GNL3L: variants seen among roughly 807,000 people sequenced by gnomAD.
The protein encoded by GNL3L is G protein nucleolar 3 like, also known as guanine nucleotide-binding protein-like 3-like protein.
In GNL3L, 4 loss-of-function variants were observed where a neutral mutation model predicts 42.9. The observed-to-expected ratio is 0.09, with a 90% confidence interval of 0.05 to 0.21. GNL3L has a LOEUF of 0.21. GNL3L is among the 10% of genes least tolerant of loss of function. The pLI is 1.00. For missense variants in GNL3L, 412 were observed against 481.7 expected (o/e 0.86, Z 1.36); for synonymous variants, 159 against 176.3 (o/e 0.90, Z 0.78).
At chrX:54,583,485 C>A (rs953959142) in intron 16 of GNL3L, among the ~76,000 whole-genome samples, 1 of 111,262 alleles carries the variant, frequency 9.0e-6, no homozygotes, top group African/African-American at 3.3e-5. Context: ...AGAGCCACTG[C>A]ACCCGGCCAT....
chrX:54,581,528 C>T (rs1290651446), intron 16 of GNL3L, among the ~76,000 whole-genome samples: 1 of 112,703 alleles, frequency 8.9e-6, no homozygotes, highest in Admixed American at 9.4e-5. Flanking sequence ...AGCCACTGTG[C>T]CCCATCAATG....
intron 16 of GNL3L, among the ~76,000 whole-genome samples, chrX:54,615,035 C>G (rs1012814529): frequency 8.9e-6 from 1 of 111,818 alleles, no homozygotes; most frequent in Admixed American, 9.5e-5. Flanking sequence ...CTCATCACCC[C>G]AAAAGAAAAC....
intron 8 of GNL3L, among the ~76,000 whole-genome samples, chrX:54,544,561 C>T (rs762853329): frequency 9.4e-6 from 1 of 106,587 alleles, no homozygotes; most frequent in Admixed American, 1.0e-4. Context: ...CCTCCACCTC[C>T]TGGGTTCAAA....
chrX:54,599,546 G>A (rs1925978546), intron 16 of GNL3L, among the ~76,000 whole-genome samples: 1 of 111,485 alleles, frequency 9.0e-6, no homozygotes, highest in African/African-American at 3.3e-5. Flanking sequence ...ACCATGGTAA[G>A]TTTGGGGTTC....
rs1433123679 is a variant in GNL3L at position 54,565,537 on chromosome X, G to A, written c.*4935G>A. ...TTAAATAGAGATGGGGTCTCACTGT[G>A]TTGACCAGGATGGTCTTGAACTGCT... On this transcript the variant is annotated 3_prime_UTR_variant, in exon 16 of 16. Coordinates refer to ENST00000360845, the MANE Select transcript of GNL3L (RefSeq NM_001184819.2). Among the ~76,000 whole-genome samples the A allele has an allele frequency of 9.1e-6, 1 of 110,461 alleles. No homozygotes were observed. The highest frequency in any genetic ancestry group is 3.3e-5 in the African/African-American group (1 of 30,395).
the GNL3L span, among the ~76,000 whole-genome samples, chrX:54,638,969 T>A: frequency 8.9e-6 from 1 of 111,925 alleles, no homozygotes; most frequent in Admixed American, 9.5e-5. Flanking sequence ...AAGTTCCTAA[T>A]CTCTGATAGT....
chrX:54,645,109 C>T, the GNL3L span, among the ~76,000 whole-genome samples: 263 of 111,466 alleles, frequency 2.4e-3, no homozygotes, highest in African/African-American at 8.0e-3. Flanking sequence ...ATAGGTTTTC[C>T]ATAAATTTCC....
intron 16 of GNL3L, among the ~76,000 whole-genome samples, chrX:54,588,393 A>AT (rs1925817574): frequency 1.8e-5 from 2 of 111,961 alleles, no homozygotes; most frequent in Admixed American, 9.5e-5. Flanking sequence ...ATCTATTACT[A>AT]TTTTTTCTGA....
At position 54,543,199 on chromosome X, in the gene GNL3L, C is replaced by A; in HGVS notation, c.391-8C>A. The A allele has an allele frequency of 3.3e-6, 4 of 1,209,294 alleles. No homozygotes were observed. The highest frequency in any genetic ancestry group is 4.5e-6 in the Non-Finnish European group (4 of 893,655). On this transcript the variant is annotated splice_polypyrimidine_tract_variant and splice_region_variant and intron_variant, in intron 6 of 15. Coordinates refer to ENST00000360845, the MANE Select transcript of GNL3L (RefSeq NM_001184819.2). ...CCTGCCCTCATCTCCTGGTCCTCTG[C>A]CCTGCAGGTGGTGGAATACTCTGAT...
chrX:54,622,159 A>G (rs1926293732), downstream of GNL3L, among the ~76,000 whole-genome samples: 1 of 110,530 alleles, frequency 9.0e-6, no homozygotes, highest in African/African-American at 3.3e-5. Context: ...AATGACTAAT[A>G]ATGTTGAGCA....
chrX:54,555,821 C>T (rs950095047), intron 14 of GNL3L, among the ~76,000 whole-genome samples: 2 of 108,037 alleles, frequency 1.9e-5, no homozygotes, highest in Non-Finnish European at 3.8e-5. Context: ...ACCATGTCAC[C>T]TCCCCTGCTT....
chrX:54,619,357 CAGAAAG>C (rs1342082195), intron 16 of GNL3L, among the ~76,000 whole-genome samples: 2 of 110,955 alleles, frequency 1.8e-5, no homozygotes, highest in East Asian at 2.8e-4. Flanking sequence ...ATTTATTAAG[CAGAAAG>C]AGAAAGTTTC....
At chrX:54,588,807 T>TA (rs1181698952) in intron 16 of GNL3L, among the ~76,000 whole-genome samples, 1 of 111,186 alleles carries the variant, frequency 9.0e-6, no homozygotes, top group Non-Finnish European at 1.9e-5. Context: ...AAATAAAAAA[T>TA]AAAAAAAAGT....
chrX:54,595,186 C>G (rs1925918175), intron 16 of GNL3L, among the ~76,000 whole-genome samples: 1 of 112,034 alleles, frequency 8.9e-6, no homozygotes, highest in Non-Finnish European at 1.9e-5. Context: ...CTCCCTTTAG[C>G]ATGTCTTGTA....
intron 1 of GNL3L, among the ~76,000 whole-genome samples, chrX:54,531,407 G>T (rs189158485): frequency 8.4e-4 from 94 of 111,250 alleles, no homozygotes; most frequent in Non-Finnish European, 1.7e-3. Flanking sequence ...CTTTACCCAA[G>T]GTAGTGGAGC....
At chrX:54,549,096 T>G (rs1399393867) in intron 9 of GNL3L, among the ~76,000 whole-genome samples, 1 of 111,078 alleles carries the variant, frequency 9.0e-6, no homozygotes, top group African/African-American at 3.3e-5. Flanking sequence ...AGATAACCCA[T>G]GTATGTAGAG....
rs907537496 is a variant in GNL3L at position 54,562,197 on chromosome X, C to T, written c.*1595C>T. 1.8e-5 allele frequency among the ~76,000 whole-genome samples: 2 copies of T among 112,110 alleles called. No homozygotes were observed. Among genetic ancestry groups the T allele is most frequent in the African/African-American group, 3.2e-5 (1 of 30,840 alleles). ...AGTAGCTGGGATTACAGGCACCTGC[C>T]ACCACGCCTGGCTAGTTTTTGTATT... On this transcript the variant is annotated 3_prime_UTR_variant, in exon 16 of 16. Coordinates refer to ENST00000360845, the MANE Select transcript of GNL3L (RefSeq NM_001184819.2).
chrX:54,645,725 A>G, the GNL3L span, among the ~76,000 whole-genome samples: 1 of 112,027 alleles, frequency 8.9e-6, no homozygotes, highest in East Asian at 2.8e-4. Flanking sequence ...AGATGTGCCT[A>G]TATTAAGGGA....
At chrX:54,600,319 C>T (rs752319410) in intron 16 of GNL3L, among the ~76,000 whole-genome samples, 53 of 99,260 alleles carry the variant, frequency 5.3e-4, no homozygotes, top group South Asian at 2.0e-3. Flanking sequence ...CTCTGCATCC[C>T]GGGTTCAAGT....
Sources: allele counts gnomAD v4.1 joint callset (sites outside exome capture counted in the v4.1 genomes callset), GRCh38; gene constraint gnomAD v4.1.1; transcripts MANE v1.5; gene names NCBI Gene and HGNC (gene_info 2026-07-23, HGNC 2026-07-21).